Variants in RIMS1 observed in about 807,000 individuals in gnomAD.
RIMS1 encodes regulating synaptic membrane exocytosis 1, also known as regulating synaptic membrane exocytosis protein 1.
In RIMS1, 83 loss-of-function variants were observed where a neutral mutation model predicts 214.1. The observed-to-expected ratio is 0.39, with a 90% CI of 0.32 to 0.47. The LOEUF is 0.47. Ranked by LOEUF, RIMS1 falls within the 20% of genes least tolerant of loss-of-function variation. RIMS1 has a pLI of 0.99. For synonymous variants in RIMS1, 793 were observed against 786.8 expected (o/e 1.01, Z -0.13); for missense variants, 2,050 against 2,161.8 (o/e 0.95, Z 1.03).
chr6:72,192,884 C>T (rs2050286039), intron 6 of RIMS1, among the ~76,000 whole-genome samples: 2 of 152,164 alleles, frequency 1.3e-5, no homozygotes, highest in Non-Finnish European at 2.9e-5. Context: ...TGAGGGTGGT[C>T]TGCCTTTCCC....
intron 6 of RIMS1, among the ~76,000 whole-genome samples, chr6:72,212,112 C>T (rs2496533): frequency 0.98 from 148,563 of 152,098 alleles, 72,636 homozygotes; most frequent in East Asian, 1. Flanking sequence ...ACAATAATAA[C>T]TACCTGCAGG....
At chr6:72,019,909 A>G in intron 2 of RIMS1, among the ~76,000 whole-genome samples, 1 of 152,292 alleles carries the variant, frequency 6.6e-6, no homozygotes, top group African/African-American at 2.4e-5. Context: ...ATTGTCTTGT[A>G]AGATCCTTGA....
At chr6:71,907,339 A>G (rs959363045) in intron 1 of RIMS1, among the ~76,000 whole-genome samples, 4 of 152,162 alleles carry the variant, frequency 2.6e-5, no homozygotes, top group African/African-American at 2.4e-5. Flanking sequence ...GCATGGAGGA[A>G]TACCTCCAAC....
chr6:72,140,914 G>GT (rs1562409724), intron 4 of RIMS1, among the ~76,000 whole-genome samples: 1 of 152,012 alleles, frequency 6.6e-6, no homozygotes, highest in East Asian at 1.9e-4. Flanking sequence ...GTTGAGAAAA[G>GT]TAAGTTGGGA....
intron 2 of RIMS1, among the ~76,000 whole-genome samples, chr6:71,998,152 A>C (rs776412271): frequency 6.6e-6 from 1 of 152,112 alleles, no homozygotes; most frequent in Non-Finnish European, 1.5e-5. Context: ...AATGTTTCTC[A>C]GCACTTTATT....
chr6:72,237,995 G>C (rs2064988074), intron 9 of RIMS1, 73 bp downstream of exon 9: 1 of 1,063,410 alleles, frequency 9.4e-7, no homozygotes, highest in Admixed American at 2.3e-5. Flanking sequence ...TTTTCAATTT[G>C]GGGTTAGTTT....
At chr6:72,100,494 A>G (rs1009541233) in intron 4 of RIMS1, among the ~76,000 whole-genome samples, 7 of 151,990 alleles carry the variant, frequency 4.6e-5, no homozygotes, top group East Asian at 1.9e-4. Context: ...CTTCTCTCCT[A>G]TGAATATGAA....
At chr6:72,124,647 C>A (rs1363478379) in intron 4 of RIMS1, among the ~76,000 whole-genome samples, 1 of 147,622 alleles carries the variant, frequency 6.8e-6, no homozygotes, top group Non-Finnish European at 1.5e-5. Context: ...TTCCCATAAT[C>A]CCATATTTCT....
chr6:72,308,192 G>A lies in RIMS1; in HGVS notation c.3963+822G>A, dbSNP rs79646849. On this transcript the variant is annotated intron_variant, in intron 27 of 33. Transcript: ENST00000521978. ...AGCTGAAATTTACACAATTTCAAGT[G>A]CTAATAAGCATTTAATTTTTATTTC... 5.1e-3 allele frequency among the ~76,000 whole-genome samples: 782 copies of A among 152,144 alleles called. 5 individuals carry two copies. Among genetic ancestry groups the A allele is most frequent in the African/African-American group, 0.017 (720 of 41,536 alleles).
chr6:72,150,355 T>C (rs2043368394), intron 4 of RIMS1, among the ~76,000 whole-genome samples: 1 of 152,188 alleles, frequency 6.6e-6, no homozygotes, highest in Admixed American at 6.5e-5. Flanking sequence ...TCTGTGGATT[T>C]GACTTGTATT....
intron 2 of RIMS1, among the ~76,000 whole-genome samples, chr6:72,080,067 T>A (rs1360083929): frequency 6.1e-5 from 6 of 98,054 alleles, no homozygotes; most frequent in Admixed American, 1.4e-4. Flanking sequence ...TGAAACCGTG[T>A]CTCTACTAAA....
chr6:71,946,440 A>G (rs1033005445), intron 1 of RIMS1, among the ~76,000 whole-genome samples: 4 of 152,210 alleles, frequency 2.6e-5, no homozygotes, highest in African/African-American at 9.6e-5. Flanking sequence ...AAACATGTAG[A>G]TCAATGGAAC....
chr6:72,016,071 G>T (rs1242394506), intron 2 of RIMS1, among the ~76,000 whole-genome samples: 2 of 152,092 alleles, frequency 1.3e-5, no homozygotes, highest in African/African-American at 4.8e-5. Flanking sequence ...TGACCGTGTG[G>T]TTTTTATCTT....
intron 2 of RIMS1, among the ~76,000 whole-genome samples, chr6:71,998,716 T>C (rs1482500479): frequency 6.6e-6 from 1 of 152,186 alleles, no homozygotes; most frequent in African/African-American, 2.4e-5. Flanking sequence ...GAATACTATA[T>C]TGTGTTCATC....
At position 71,965,680 on chromosome 6, in the gene RIMS1, A is replaced by G. The variant is rs555439697; in HGVS notation, c.165-3303A>G. On this transcript the variant is annotated intron_variant, in intron 1 of 33. Transcript: ENST00000521978. ...GTCTTATTTGCATAAATCTTCAGTG[A>G]TGCTTCAGTGATGAGGGAATGCTCA... 1.1e-4 allele frequency among the ~76,000 whole-genome samples: 17 copies of G among 152,340 alleles called. No homozygotes were observed. In the East Asian group the frequency reaches 3.3e-3, roughly 29 times the overall value.
chr6:72,237,095 A>G (rs1215887123), intron 8 of RIMS1, among the ~76,000 whole-genome samples: 1 of 152,024 alleles, frequency 6.6e-6, no homozygotes, highest in East Asian at 1.9e-4. Flanking sequence ...AGTCCCAGCT[A>G]TTTGGGAGCC....
chr6:72,169,329 T>C (rs1360133487), intron 4 of RIMS1, among the ~76,000 whole-genome samples: 5 of 152,218 alleles, frequency 3.3e-5, no homozygotes, highest in Admixed American at 6.5e-5. Flanking sequence ...AAATATTTTT[T>C]CAGAGGGCTT....
At chr6:71,902,435 C>T (rs1773931243) in intron 1 of RIMS1, among the ~76,000 whole-genome samples, 1 of 151,976 alleles carries the variant, frequency 6.6e-6, no homozygotes, top group South Asian at 2.1e-4. Context: ...CTTTTTGGCC[C>T]ATGAGACACA....
chr6:72,387,029 C>T (rs962915788), intron 29 of RIMS1, among the ~76,000 whole-genome samples: 11 of 152,218 alleles, frequency 7.2e-5, no homozygotes, highest in Admixed American at 2.6e-4. Flanking sequence ...CCACTGCGCT[C>T]GGCCTATTCA....
Sources: gnomAD v4.1 joint callset for allele counts (sites outside exome capture counted in the v4.1 genomes callset) on GRCh38, gnomAD v4.1.1 for gene constraint, MANE v1.5 for transcripts, NCBI Gene and HGNC (gene_info 2026-07-23, HGNC 2026-07-21) for gene names.